EFCAB13: variants seen among roughly 807,000 people sequenced by gnomAD.
The protein encoded by EFCAB13 is EF-hand calcium binding domain 13, also known as EF-hand calcium-binding domain-containing protein 13.
In EFCAB13, 91 loss-of-function variants were observed where a neutral mutation model predicts 110.2. That is an observed-to-expected ratio of 0.83 (90% CI 0.70 to 0.98). EFCAB13 has a LOEUF of 0.98. Among genes scored for constraint, EFCAB13 ranks in the 50% least tolerant of loss-of-function variants. EFCAB13 has a pLI of 0.00. For synonymous variants in EFCAB13, 323 were observed against 369.9 expected (o/e 0.87, Z 1.45); for missense variants, 968 against 1,119.4 (o/e 0.86, Z 1.93).
chr17:47,324,396 C>T (rs1042547786), intron 1 of EFCAB13, 58 bp from the exon 2 acceptor site: 2 of 152,142 alleles, frequency 1.3e-5, no homozygotes, highest in African/African-American at 4.8e-5. Flanking sequence ...TTAGCACACT[C>T]ATTTCCATCT....
At position 47,440,511 on chromosome 17, in the gene EFCAB13, T is replaced by C; in HGVS notation, c.2719T>C (p.Tyr907His). The part of the protein sequence containing the change: ...LTIPKAAGKF[Y>H]LICTYCPDLE... ...AATTCCTAAAGCTGCAGGTAAGTTTTATTTAATATGTACTTATTGCCCAGA... is the reference window on the plus strand; with the variant it reads ...AATTCCTAAAGCTGCAGGTAAGTTTCATTTAATATGTACTTATTGCCCAGA... The change falls in exon 25 of 25, where the codon TAT becomes CAT. Residue 907 changes from tyrosine (Y) to histidine (H), a missense_variant. Physicochemically the swap from Tyr to His is moderately conservative, Grantham distance 83. Transcript: ENST00000331493. The C allele has an allele frequency of 1.9e-6, 3 of 1,612,326 alleles. No individual in the cohort carries two copies. Among genetic ancestry groups the C allele is most frequent in the Non-Finnish European group, 1.7e-6 (2 of 1,179,422 alleles).
At chr17:47,432,443 T>TAAATAAA (rs35785822) in intron 24 of EFCAB13, among the ~76,000 whole-genome samples, 2 of 150,816 alleles carry the variant, frequency 1.3e-5, no homozygotes, top group South Asian at 2.1e-4. Flanking sequence ...AATAAATAAA[T>TAAATAAA]TAGCTCGGTG....
intron 12 of EFCAB13, among the ~76,000 whole-genome samples, chr17:47,375,198 C>T (rs1399492858): frequency 2.6e-5 from 4 of 152,040 alleles, no homozygotes; most frequent in South Asian, 2.1e-4. Context: ...GGATTATAGG[C>T]GTGAACCACC....
intron 14 of EFCAB13, among the ~76,000 whole-genome samples, chr17:47,382,840 A>C (rs1388551239): frequency 3.3e-5 from 5 of 152,144 alleles, no homozygotes; most frequent in Admixed American, 6.5e-5. Context: ...GTTGTTTGGA[A>C]TAGTTTCAGA....
chr17:47,383,811 T>C (rs1338895442), intron 14 of EFCAB13, among the ~76,000 whole-genome samples: 1 of 152,078 alleles, frequency 6.6e-6, no homozygotes, highest in Non-Finnish European at 1.5e-5. Context: ...AGAATGTATA[T>C]TGTTGGTTGG....
At chr17:47,355,896 A>G (rs2065478242) in intron 9 of EFCAB13, among the ~76,000 whole-genome samples, 1 of 152,000 alleles carries the variant, frequency 6.6e-6, no homozygotes, top group African/African-American at 2.4e-5. Context: ...ATTTTAAAAA[A>G]TGCTTTCTTC....
At chr17:47,365,692 G>C (rs1365922057) in intron 10 of EFCAB13, among the ~76,000 whole-genome samples, 1 of 152,154 alleles carries the variant, frequency 6.6e-6, no homozygotes, top group Non-Finnish European at 1.5e-5. Context: ...CAATAGACTT[G>C]TATTAGTATT....
chr17:47,362,482 A>C (rs1598733736), intron 10 of EFCAB13, among the ~76,000 whole-genome samples: 2 of 152,312 alleles, frequency 1.3e-5, no homozygotes, highest in East Asian at 1.9e-4. Flanking sequence ...GCTACTTAGC[A>C]GACTGGGAAA....
At chr17:47,374,363 A>T (rs1046437112) in intron 11 of EFCAB13, 109 bp from the exon 12 acceptor site, 2 of 1,020,604 alleles carry the variant, frequency 2.0e-6, no homozygotes, top group Non-Finnish European at 2.7e-6. Context: ...TATATGTTTA[A>T]GAAACTGATA....
intron 23 of EFCAB13, among the ~76,000 whole-genome samples, chr17:47,427,471 T>C (rs1904998091): frequency 1.3e-5 from 2 of 152,224 alleles, no homozygotes; most frequent in South Asian, 2.1e-4. Flanking sequence ...GTCCATTTTG[T>C]GTGCTAGCTT....
At chr17:47,377,534 G>T in intron 12 of EFCAB13, 1 of 255,436 alleles carries the variant, frequency 3.9e-6, no homozygotes. Flanking sequence ...CCCCAAACAA[G>T]TAGATTATAA....
chr17:47,336,029 G>A (rs2065347857), intron 5 of EFCAB13, among the ~76,000 whole-genome samples: 1 of 152,138 alleles, frequency 6.6e-6, no homozygotes. Context: ...TTATCCATAT[G>A]TCTGTTAAGT....
Position 47,374,807 on chromosome 17 carries a change from T to C in EFCAB13, c.1213T>C (p.Ser405Pro). The change falls in exon 12 of 25, where the codon TCT becomes CCT. Residue 405 changes from serine to proline, a missense_variant. Transcript: ENST00000331493. ...SEKGEIHDSK[S>P]KPQSLKSSTS... ...GAAGGGTGAAATTCATGACTCAAAGTCTAAACCACAAAGCTTGAAGAGTAG... is the reference window on the plus strand; with the variant it reads ...GAAGGGTGAAATTCATGACTCAAAGCCTAAACCACAAAGCTTGAAGAGTAG... 1 of 1,613,984 alleles carries C rather than the reference T, an allele frequency of 6.2e-7. No individual in the cohort carries two copies. The highest frequency in any genetic ancestry group is 8.5e-7 in the Non-Finnish European group (1 of 1,179,958).
At chr17:47,342,938 C>A (rs2065394117) in intron 6 of EFCAB13, among the ~76,000 whole-genome samples, 1 of 152,056 alleles carries the variant, frequency 6.6e-6, no homozygotes, top group African/African-American at 2.4e-5. Flanking sequence ...TTCAGTGATT[C>A]TATTTTTTAC....
At chr17:47,395,163 C>A (rs1253445614) in intron 16 of EFCAB13, among the ~76,000 whole-genome samples, 3 of 152,170 alleles carry the variant, frequency 2.0e-5, no homozygotes, top group African/African-American at 7.2e-5. Context: ...TTGCACCTAT[C>A]TGGCAAAACT....
chr17:47,333,073 T>C (rs1175002414), intron 4 of EFCAB13, among the ~76,000 whole-genome samples: 1 of 152,224 alleles, frequency 6.6e-6, no homozygotes, highest in African/African-American at 2.4e-5. Context: ...CCAACACTTG[T>C]TATCCTTTGT....
At chr17:47,397,909 G>A (rs1165894757) in intron 17 of EFCAB13, among the ~76,000 whole-genome samples, 22 of 151,736 alleles carry the variant, frequency 1.4e-4, no homozygotes, top group Admixed American at 1.1e-3. Flanking sequence ...CACCCCATCC[G>A]GGAGGGAGGT....
At chr17:47,338,642 A>G (rs960666572) in intron 5 of EFCAB13, among the ~76,000 whole-genome samples, 6 of 151,906 alleles carry the variant, frequency 3.9e-5, no homozygotes, top group African/African-American at 1.5e-4. Context: ...CTTGCTTTCT[A>G]TTGCACCTCT....
intron 23 of EFCAB13, among the ~76,000 whole-genome samples, chr17:47,428,014 C>T (rs934675960): frequency 2.0e-5 from 3 of 151,622 alleles, no homozygotes; most frequent in African/African-American, 7.3e-5. Context: ...TTTTAGGTAC[C>T]TGAATTTTTT....
Sources: allele counts gnomAD v4.1 joint callset (sites outside exome capture counted in the v4.1 genomes callset), GRCh38; gene constraint gnomAD v4.1.1; transcripts MANE v1.5; gene names NCBI Gene and HGNC (gene_info 2026-07-23, HGNC 2026-07-21).